The following CHRNG variants were observed in gnomAD, a reference collection of about 807,000 sequenced individuals.
CHRNG encodes the protein acetylcholine receptor subunit gamma.
In CHRNG, 72 loss-of-function variants were observed where a neutral mutation model predicts 65.2. The ratio of observed to expected loss-of-function variants is 1.10; its 90% confidence interval spans 0.91 to 1.34. CHRNG has a LOEUF of 1.34. CHRNG is among the 40% of genes most tolerant of loss of function. The pLI, the probability that CHRNG is intolerant of heterozygous loss-of-function variation, is 0.00. For missense variants in CHRNG, 637 were observed against 680.1 expected (o/e 0.94, Z 0.70); for synonymous variants, 284 against 290.2 (o/e 0.98, Z 0.22).
rs755328330 is a variant in CHRNG, at chr2:232,545,718, C to A, written c.*2C>A. The A allele has an allele frequency of 2.5e-6, 4 of 1,614,090 alleles. No individual in the cohort carries two copies. The highest frequency in any genetic ancestry group is 1.1e-5 in the South Asian group (1 of 91,084). On this transcript the variant is annotated 3_prime_UTR_variant, in exon 12 of 12. Transcript: ENST00000651502. ...CCCTACCTGCCCTCACCAGACTGAG[C>A]CAACCAACCACTGTGGGGCATGTGG...
chr2:232,545,260 C>T (rs1277717810), intron 11 of CHRNG, among the ~76,000 whole-genome samples: 3 of 149,570 alleles, frequency 2.0e-5, no homozygotes, highest in Non-Finnish European at 4.4e-5. Context: ...TGAGCCAAGC[C>T]AAGATCGCAC....
Position 232,540,010 on chromosome 2 carries a change from A to T in CHRNG, c.74A>T (p.Gln25Leu), listed in dbSNP as rs201453316. 1.2e-5 allele frequency: 19 copies of T among 1,614,068 alleles called. No individual in the cohort carries two copies. The highest frequency in any genetic ancestry group is 1.6e-4 in the Middle Eastern group (1 of 6,084). ...AVCLGAQGRNQEERLLADLMQ... is the reference protein window; with the variant it reads ...AVCLGAQGRNLEERLLADLMQ... ...ATTGCAGGGGCCCAGGGCCGGAACC[A>T]GGAGGAGCGCCTGCTCGCAGACCTG... Residue 25 changes from glutamine (Q) to leucine (L), a missense_variant, in exon 2 of 12, where the codon CAG becomes CTG. Transcript: ENST00000651502. This position sits in a 1 kb window ranked among gnomAD's most constrained non-coding sequence, Gnocchi z 4.2.
Position 232,540,040 on chromosome 2 carries a change from A to G in CHRNG, c.104A>G (p.Gln35Arg). Residue 35 changes from glutamine (Q) to arginine (R), a missense_variant, in exon 2 of 12, where the codon CAA (glutamine) becomes CGA (arginine). Coordinates refer to ENST00000651502, the MANE Select transcript of CHRNG (RefSeq NM_005199.5). This position sits in a 1 kb window ranked among gnomAD's most constrained non-coding sequence, Gnocchi z 4.2. ...GAGCGCCTGCTCGCAGACCTGATGC[A>G]AAACTACGACCCCAACCTGCGGCCC... ...QEERLLADLM[Q>R]NYDPNLRPAE... 6.2e-7 allele frequency: 1 copy of G among 1,614,208 alleles called. No homozygotes were observed. Among genetic ancestry groups the G allele is most frequent in the South Asian group, 1.1e-5 (1 of 91,090 alleles).
In CHRNG at chr2:232,544,756, CCTTTCT is replaced by C. The variant is rs1692092586; in HGVS notation, c.1250-11_1250-6del. On this transcript the variant is annotated splice_polypyrimidine_tract_variant and intron_variant, in intron 10 of 11. Coordinates refer to ENST00000651502, the MANE Select transcript of CHRNG (RefSeq NM_005199.5). ...CCTCCATTCTACTCCCAAACCTTAC[CCTTTCT>C]CTTTATCAGAGAAAGGCCCGGAGTT... 6.2e-7 allele frequency: 1 copy of C among 1,613,764 alleles called. No individual in the cohort carries two copies. Among genetic ancestry groups the C allele is most frequent in the Non-Finnish European group, 8.5e-7 (1 of 1,179,998 alleles).
chr2:232,545,744 G>A lies in CHRNG; in HGVS notation c.*28G>A. The A allele has an allele frequency of 6.2e-7, 1 of 1,612,826 alleles. No individual in the cohort carries two copies. The highest frequency in any genetic ancestry group is 1.1e-5 in the South Asian group (1 of 91,056). On this transcript the variant is annotated 3_prime_UTR_variant, in exon 12 of 12. Coordinates refer to ENST00000651502, the MANE Select transcript of CHRNG (RefSeq NM_005199.5). ...CAACCAACCACTGTGGGGCATGTGG[G>A]AGTCACACACGTGGGTCACACTGAG...
rs1454003367 is a variant in CHRNG, at chr2:232,543,092, G to A, written c.805+10G>A. 1.2e-6 allele frequency: 2 copies of A among 1,613,680 alleles called. No homozygotes were observed. Among genetic ancestry groups the A allele is most frequent in the Middle Eastern group, 1.7e-4 (1 of 6,060 alleles). ...TTCCTTCCTGCCAAGGGTACCTGGA[G>A]CCTATGGGAAGGAGCCATCCAGTAG... On this transcript the variant is annotated intron_variant, in intron 7 of 11. Transcript: ENST00000651502.
rs1419190570 is a variant in CHRNG at position 232,540,496 on chromosome 2, T to C, written c.240+71T>C. 1.9e-6 allele frequency: 3 copies of C among 1,604,084 alleles called. No individual in the cohort carries two copies. The African/African-American group carries it at 4.0e-5, about 21-fold the overall frequency. On this transcript the variant is annotated intron_variant, in intron 3 of 11. Coordinates refer to ENST00000651502, the MANE Select transcript of CHRNG (RefSeq NM_005199.5). This position sits in a 1 kb window ranked among gnomAD's most constrained non-coding sequence, Gnocchi z 4.2. ...CACCACCCCAAGGCCTCCTGAGAGT[T>C]GCCTGCCCCGTTCCTGCCTCTTCTG...
In CHRNG at chr2:232,540,216, G is replaced by A; in HGVS notation, c.195+85G>A. 6.2e-7 allele frequency: 1 copy of A among 1,611,358 alleles called. No homozygotes were observed. The highest frequency in any genetic ancestry group is 8.5e-7 in the Non-Finnish European group (1 of 1,177,928). ...CATGGGGTGGCTCCAGCCACCAAGA[G>A]GTTGGAGGGCCCTAAATCGGACAGG... On this transcript the variant is annotated intron_variant, in intron 2 of 11. Coordinates refer to ENST00000651502, the MANE Select transcript of CHRNG (RefSeq NM_005199.5). This position sits in a 1 kb window ranked among gnomAD's most constrained non-coding sequence, Gnocchi z 4.2.
In CHRNG at chr2:232,540,789, A is replaced by C. The variant is rs1292328051; in HGVS notation, c.350+78A>C. On this transcript the variant is annotated intron_variant, in intron 4 of 11. Transcript: ENST00000651502. This position sits in a 1 kb window ranked among gnomAD's most constrained non-coding sequence, Gnocchi z 4.2. ...GCCCAGCAGAACAAGGCACTCTGGG[A>C]AAAGAGAAAGATGAGCAGAGGGTGC... The C allele has an allele frequency of 2.3e-6, 3 of 1,313,464 alleles. No individual in the cohort carries two copies. The highest frequency in any genetic ancestry group is 3.9e-5 in the Admixed American group (2 of 51,790). The allele number at this position is 1,313,464 out of a possible 1,614,324, so 81.4% of individuals were successfully genotyped here. A position where few individuals can be genotyped will look rare whatever the true frequency, so the allele number is the denominator to read the frequency against.
rs886263350 is a variant in CHRNG at position 232,541,604 on chromosome 2, G to A, written c.506+75G>A. 2.6e-6 allele frequency: 4 copies of A among 1,563,646 alleles called. No homozygotes were observed. The South Asian group carries it at 3.3e-5, about 13-fold the overall frequency. ...TGGGCAGTGGTGGGGTAAGGCCTGG[G>A]CAAGGCTTCTGGCCTTGGCTCTGGC... On this transcript the variant is annotated intron_variant, in intron 5 of 11. Coordinates refer to ENST00000651502, the MANE Select transcript of CHRNG (RefSeq NM_005199.5). The surrounding 1 kb of genome is among the most constrained non-coding windows in gnomAD (Gnocchi z 4.0).
chr2:232,542,999 CCCT>C lies in CHRNG; in HGVS notation c.724_726del (p.Leu242del). 1 of 1,614,222 alleles carries C rather than the reference CCCT, an allele frequency of 6.2e-7. No homozygotes were observed. Reference sequence around the variant, plus strand: ...TTCTACCTGCTCATCCAGCGCAAGCCCCTCTTCTACGTCATCAACATCATCGCC... The same window carrying C: ...TTCTACCTGCTCATCCAGCGCAAGCCCTTCTACGTCATCAACATCATCGCC... On this transcript the variant is annotated inframe_deletion, in exon 7 of 12. Transcript: ENST00000651502.
In CHRNG at chr2:232,545,863, T is replaced by C. The variant is rs1692123407; in HGVS notation, c.*147T>C. 1.1e-6 allele frequency: 1 copy of C among 932,394 alleles called. No individual in the cohort carries two copies. The highest frequency in any genetic ancestry group is 2.6e-5 in the East Asian group (1 of 38,794). The allele number at this position is 932,394 out of a possible 1,614,324, so 57.8% of individuals were successfully genotyped here. On this transcript the variant is annotated 3_prime_UTR_variant, in exon 12 of 12. Coordinates refer to ENST00000651502, the MANE Select transcript of CHRNG (RefSeq NM_005199.5). ...TGAGCCAAACAGCCCTGAGAAAAGC[T>C]GGGGAAACAGTCTGAGCTGGAGTCC...
In CHRNG at chr2:232,540,511, T is replaced by A; in HGVS notation, c.240+86T>A. The A allele has an allele frequency of 6.2e-7, 1 of 1,601,170 alleles. No homozygotes were observed. The highest frequency in any genetic ancestry group is 8.5e-7 in the Non-Finnish European group (1 of 1,173,546). On this transcript the variant is annotated intron_variant, in intron 3 of 11. Transcript: ENST00000651502. This position sits in a 1 kb window ranked among gnomAD's most constrained non-coding sequence, Gnocchi z 4.2. ...TCCTGAGAGTTGCCTGCCCCGTTCCTGCCTCTTCTGTCCTCTTGGGCTGGA... is the reference window on the plus strand; with the variant it reads ...TCCTGAGAGTTGCCTGCCCCGTTCCAGCCTCTTCTGTCCTCTTGGGCTGGA...
Position 232,543,279 on chromosome 2 carries a change from G to A in CHRNG, c.810G>A (p.Gly270=), listed in dbSNP as rs759950871. The A allele has an allele frequency of 6.2e-7, 1 of 1,613,712 alleles. No homozygotes were observed. ...ILIHFLPAKA[G]GQKCTVAINV... Reference sequence around the variant, plus strand: ...GAGCCTCTCGGTCATGGATAGCTGGGGGCCAGAAGTGTACCGTCGCCATCA... The same window carrying A: ...GAGCCTCTCGGTCATGGATAGCTGGAGGCCAGAAGTGTACCGTCGCCATCA... The change falls in exon 8 of 12, where the codon GGG becomes GGA. Residue 270 remains glycine (G), a synonymous_variant. Transcript: ENST00000651502.
At position 232,541,178 on chromosome 2, in the gene CHRNG, T is replaced by C. The variant is rs1297537424; in HGVS notation, c.351-196T>C. 1.5e-5 allele frequency among the ~76,000 whole-genome samples: 2 copies of C among 130,612 alleles called. No individual in the cohort carries two copies. The highest frequency in any genetic ancestry group is 5.8e-5 in the African/African-American group (2 of 34,616). The allele number at this position is 130,612 out of a possible 152,430, so 85.7% of individuals were successfully genotyped here. On this transcript the variant is annotated intron_variant, in intron 4 of 11. Transcript: ENST00000651502. The surrounding 1 kb of genome is among the most constrained non-coding windows in gnomAD (Gnocchi z 4.0). Reference sequence around the variant, plus strand: ...TTAGGAGGTGGTGCCTGAGGAAGTCTGTCTGGGGCGGGGGGTGGCAGGAGG... The same window carrying C: ...TTAGGAGGTGGTGCCTGAGGAAGTCCGTCTGGGGCGGGGGGTGGCAGGAGG...
At chr2:232,542,032 G>A (rs1692026805) in intron 5 of CHRNG, 2 of 334,076 alleles carry the variant, frequency 6.0e-6, no homozygotes, top group Non-Finnish European at 1.1e-5. Flanking sequence ...CCTTAGAGGA[G>A]CAGTCTTTCC....
rs749291880 is a variant in CHRNG at position 232,540,467 on chromosome 2, AC to A, written c.240+46del. On this transcript the variant is annotated intron_variant, in intron 3 of 11. Transcript: ENST00000651502. The surrounding 1 kb of genome is among the most constrained non-coding windows in gnomAD (Gnocchi z 4.2). ...CCACCCTCCTTCCATCAGGGGTCCC[AC>A]CCCACCACCCCAAGGCCTCCTGAGA... 5.6e-6 allele frequency: 9 copies of A among 1,610,140 alleles called. No homozygotes were observed. The highest frequency in any genetic ancestry group is 5.1e-6 in the Non-Finnish European group (6 of 1,178,744).
In CHRNG at chr2:232,545,492, G is replaced by C. The variant is rs1331245041; in HGVS notation, c.1381-51G>C. ...GCCCAAGGATGAGAACAGGACCCAG[G>C]GAAGACCTGGTGCCGCCGCTGGTTA... On this transcript the variant is annotated intron_variant, in intron 11 of 11. Coordinates refer to ENST00000651502, the MANE Select transcript of CHRNG (RefSeq NM_005199.5). 4 of 1,538,144 alleles carry C rather than the reference G, an allele frequency of 2.6e-6. No individual in the cohort carries two copies. In the South Asian group the frequency reaches 4.6e-5, roughly 18 times the overall value.
rs183500569 is a variant in CHRNG, at chr2:232,540,643, C to T, written c.282C>T (p.Tyr94=). 5.6e-5 allele frequency: 90 copies of T among 1,613,088 alleles called. No individual in the cohort carries two copies. The Admixed American group carries it at 7.0e-4, about 13-fold the overall frequency. The change falls in exon 4 of 12, where the codon TAC becomes TAT. Residue 94 remains tyrosine (Y), a synonymous_variant. Coordinates refer to ENST00000651502, the MANE Select transcript of CHRNG (RefSeq NM_005199.5). The surrounding 1 kb of genome is among the most constrained non-coding windows in gnomAD (Gnocchi z 4.2). ...DYRLRWDPRD[Y]EGLWVLRVPS... ...GCCTGCGCTGGGATCCGCGAGACTACGAAGGCCTGTGGGTGCTGAGGGTGC... is the reference window on the plus strand; with the variant it reads ...GCCTGCGCTGGGATCCGCGAGACTATGAAGGCCTGTGGGTGCTGAGGGTGC...
Sources: allele counts gnomAD v4.1 joint callset (sites outside exome capture counted in the v4.1 genomes callset), GRCh38; gene constraint gnomAD v4.1.1; non-coding constraint Gnocchi (gnomAD v3.1); transcripts MANE v1.5; gene names NCBI Gene and HGNC (gene_info 2026-07-23, HGNC 2026-07-21).